PLOD3: variants seen among roughly 807,000 people sequenced by gnomAD.
The protein encoded by PLOD3 is procollagen-lysine,2-oxoglutarate 5-dioxygenase 3.
Under a neutral mutation model 96.9 loss-of-function variants are expected in PLOD3, and 73 were observed. That is an observed-to-expected ratio of 0.75 (90% CI 0.62 to 0.92). The LOEUF (loss-of-function observed/expected upper bound fraction) is 0.92. Ranked by LOEUF, PLOD3 falls within the 40% of genes least tolerant of loss-of-function variation. PLOD3 has a pLI of 0.00. For missense variants in PLOD3, 1,004 were observed against 1,004.3 expected (o/e 1.00, Z 0.00); for synonymous variants, 454 against 413.7 (o/e 1.10, Z -1.18).
intron 8 of PLOD3, 46 bp from the exon 9 acceptor site, chr7:101,212,701 C>T: frequency 6.2e-7 from 1 of 1,610,754 alleles, no homozygotes; most frequent in Non-Finnish European, 8.5e-7. Context: ...CCCGGACTTC[C>T]CTGCTGCCCC....
intron 15 of PLOD3, chr7:101,209,815 A>G: frequency 2.7e-6 from 1 of 374,916 alleles, no homozygotes; most frequent in Non-Finnish European, 4.8e-6. Flanking sequence ...TGCTGGGATT[A>G]CAGGCATGAG....
intron 3 of PLOD3, 33 bp downstream of exon 3, chr7:101,216,377 C>A: frequency 6.2e-7 from 1 of 1,613,912 alleles, no homozygotes; most frequent in Non-Finnish European, 8.5e-7. Context: ...ACCTCAGCAT[C>A]CTTACCCCGC....
At chr7:101,211,339 C>T in intron 12 of PLOD3, 1 of 478,156 alleles carries the variant, frequency 2.1e-6, no homozygotes, top group Non-Finnish European at 3.8e-6. Flanking sequence ...ACCACCGTGC[C>T]CAGCTAATAT....
Position 101,206,912 on chromosome 7 carries a change from AGAG to A in PLOD3, c.1936-11_1936-9del, listed in dbSNP as rs1212115169. On this transcript the variant is annotated splice_polypyrimidine_tract_variant and intron_variant, in intron 17 of 18. Transcript: ENST00000223127. ...GTTCATCACCGCCCGCGCCTGGGGG[AGAG>A]GAGGGAAGAGGCTGCAGGGACAGCT... 6.4e-7 allele frequency: 1 copy of A among 1,554,368 alleles called. No individual in the cohort carries two copies. The highest frequency in any genetic ancestry group is 8.7e-7 in the Non-Finnish European group (1 of 1,148,590).
intron 12 of PLOD3, chr7:101,211,326 C>G (rs560223511): frequency 2.4e-6 from 1 of 425,114 alleles, no homozygotes; most frequent in Non-Finnish European, 4.3e-6. Context: ...ACCACAGGCA[C>G]GCACCACCGT....
chr7:101,208,826 C>G (rs1189314877), intron 16 of PLOD3, 27 bp downstream of exon 16: 1 of 1,447,484 alleles, frequency 6.9e-7, no homozygotes, highest in Admixed American at 1.7e-5. Context: ...CTGGGAAGGC[C>G]TCTGCCCTCC....
At position 101,212,256 on chromosome 7, in the gene PLOD3, G is replaced by A. The variant is rs376124107; in HGVS notation, c.1124C>T (p.Ala375Val). 1 of 1,612,666 alleles carries A rather than the reference G, an allele frequency of 6.2e-7. No homozygotes were observed. Among genetic ancestry groups the A allele is most frequent in the Admixed American group, 1.7e-5 (1 of 60,008 alleles). ...ALSPGEARDM[A>V]MDLCRQDPEC... ...CTCCCCGCAAGCACCCGCTCACATG[G>A]CCATGTCCCTGGCCTCGCCTGGGCT... is the stretch of plus-strand genomic sequence containing the variant. The change falls in exon 10 of 19, where the codon GCC (alanine) becomes GTC (valine). Residue 375 changes from alanine (A) to valine (V), a missense_variant. This residue lies in a region of PLOD3 where 690 missense variants were observed against 650.2 expected (regional missense o/e 1.06). Coordinates refer to ENST00000223127, the MANE Select transcript of PLOD3 (RefSeq NM_001084.5).
At chr7:101,215,281 T>C in intron 5 of PLOD3, 129 bp from the exon 6 acceptor site, 1 of 767,972 alleles carries the variant, frequency 1.3e-6, no homozygotes, top group Non-Finnish European at 2.4e-6. Flanking sequence ...TGGCACGATC[T>C]CAGCTCACTG....
At chr7:101,213,608 C>T (rs1453065220) in intron 6 of PLOD3, 2 of 207,932 alleles carry the variant, frequency 9.6e-6, no homozygotes, top group Non-Finnish European at 2.0e-5. Flanking sequence ...CCTCTGCCTC[C>T]TGAGTTCAAA....
chr7:101,214,195 C>T (rs1434182008), intron 6 of PLOD3, among the ~76,000 whole-genome samples: 1 of 151,430 alleles, frequency 6.6e-6, no homozygotes, highest in Non-Finnish European at 1.5e-5. Flanking sequence ...GGCGCAATCT[C>T]GGCTCACTGC....
intron 17 of PLOD3, 91 bp from the exon 18 acceptor site, chr7:101,206,995 C>T (rs749145411): frequency 1.5e-5 from 21 of 1,420,708 alleles, no homozygotes; most frequent in Admixed American, 2.1e-5. Flanking sequence ...GAGATAGTCT[C>T]GCTCTGTCAC....
At position 101,211,922 on chromosome 7, in the gene PLOD3, C is replaced by T. The variant is rs141016387; in HGVS notation, c.1156G>A (p.Glu386Lys). The change falls in exon 11 of 19, where the codon GAG becomes AAG. Residue 386 changes from glutamate (E) to lysine (K), a missense_variant. This residue lies in a region of PLOD3 where 690 missense variants were observed against 650.2 expected (regional missense o/e 1.06). Coordinates refer to ENST00000223127, the MANE Select transcript of PLOD3 (RefSeq NM_001084.5). ...TCGGCGTCCAGGCTGAAGTAGAACT[C>T]ACACTCGGGGTCCTGCCGACACAGG... ...MDLCRQDPECEFYFSLDADAV... is the reference protein window; with the variant it reads ...MDLCRQDPECKFYFSLDADAV... 3 of 1,609,544 alleles carry T rather than the reference C, an allele frequency of 1.9e-6. No individual in the cohort carries two copies. The highest frequency in any genetic ancestry group is 8.5e-7 in the Non-Finnish European group (1 of 1,178,336).
chr7:101,216,326 G>C lies in PLOD3; in HGVS notation c.339C>G (p.Ser113Arg). ...REDMIIMFVDSYDVILAGSPT... is the reference protein window; with the variant it reads ...REDMIIMFVDRYDVILAGSPT... ...GGCTGCCGGCCAGAATCACGTCGTA[G>C]CTGGGTGAGGAAGGGGAGGATGGGC... Residue 113 changes from serine to arginine, a missense_variant and splice_region_variant, in exon 4 of 19, where the codon AGC becomes AGG. Coordinates refer to ENST00000223127, the MANE Select transcript of PLOD3 (RefSeq NM_001084.5). The C allele has an allele frequency of 6.2e-7, 1 of 1,613,364 alleles. No homozygotes were observed. The highest frequency in any genetic ancestry group is 1.1e-5 in the South Asian group (1 of 91,082).
At chr7:101,206,655 T>A in intron 18 of PLOD3, 124 bp downstream of exon 18, 1 of 1,209,500 alleles carries the variant, frequency 8.3e-7, no homozygotes, top group Non-Finnish European at 1.2e-6. Context: ...ATCCAGGAGC[T>A]GATACCCACA....
Position 101,212,540 on chromosome 7 carries a change from A to G in PLOD3, c.995T>C (p.Leu332Pro). 6.2e-7 allele frequency: 1 copy of G among 1,613,802 alleles called. No individual in the cohort carries two copies. The highest frequency in any genetic ancestry group is 8.5e-7 in the Non-Finnish European group (1 of 1,179,892). ...DYPPDRVTLF[L>P]HNNEVFHEPH... ...ACAGGGGAGTCTCACGTTGTTGTGC[A>G]GGAAAAGGGTGACCCTGTCGGGGGG... The change falls in exon 9 of 19, where the codon CTG becomes CCG. Residue 332 changes from leucine to proline, a missense_variant. Coordinates refer to ENST00000223127, the MANE Select transcript of PLOD3 (RefSeq NM_001084.5).
chr7:101,206,773 GCGCACCTCATAGTCCAGGC>G lies in PLOD3; in HGVS notation c.2048_2061+5del. 2 of 1,581,412 alleles carry G rather than the reference GCGCACCTCATAGTCCAGGC, an allele frequency of 1.3e-6. No individual in the cohort carries two copies. The highest frequency in any genetic ancestry group is 2.3e-5 in the South Asian group (2 of 86,288). Reference sequence around the variant, plus strand: ...AGCGTGGGTGGGTAGTGTGACTGGGGCGCACCTCATAGTCCAGGCCCTTGTGGTTGAGGGCAACGTTGAG... The same window carrying G: ...AGCGTGGGTGGGTAGTGTGACTGGGGCCTTGTGGTTGAGGGCAACGTTGAG... On this transcript the variant is annotated splice_donor_variant and splice_donor_5th_base_variant and coding_sequence_variant and intron_variant, in exon 18 of 19. Transcript: ENST00000223127. LOFTEE classifies it high-confidence loss of function.
Position 101,215,107 on chromosome 7 carries a change from T to G in PLOD3, c.661A>C (p.Asn221His). Residue 221 changes from asparagine (N) to histidine (H), a missense_variant, in exon 6 of 19, where the codon AAC becomes CAC. By Grantham distance (68) the Asn-to-His change is moderately conservative (BLOSUM62 1). Around this residue, in one of 5 missense-constraint regions of PLOD3, gnomAD observed 690 missense variants for 650.2 expected, o/e 1.06. Transcript: ENST00000223127. Reference protein sequence around the residue: ...NLDHKSRIFQNLNGALDEVVL... With the variant: ...NLDHKSRIFQHLNGALDEVVL... Reference sequence around the variant, plus strand: ...TCCTCACCTAAAGCCCCGTTGAGGTTCTGAAAGATCCGAGACTTATGATCC... The same window carrying G: ...TCCTCACCTAAAGCCCCGTTGAGGTGCTGAAAGATCCGAGACTTATGATCC... The G allele has an allele frequency of 6.2e-7, 1 of 1,613,516 alleles. No homozygotes were observed.
chr7:101,212,463 G>T, intron 9 of PLOD3, 67 bp downstream of exon 9: 1 of 1,575,148 alleles, frequency 6.3e-7, no homozygotes, highest in Non-Finnish European at 8.7e-7. Context: ...TGGGGGTGGG[G>T]GCACGAGAGT....
At chr7:101,208,169 C>T (rs902053185) in intron 16 of PLOD3, among the ~76,000 whole-genome samples, 15 of 152,306 alleles carry the variant, frequency 9.8e-5, no homozygotes, top group African/African-American at 3.6e-4. Context: ...ATGATCATAG[C>T]TCACTGCAGC....
Sources: gnomAD v4.1 joint callset for allele counts (sites outside exome capture counted in the v4.1 genomes callset) on GRCh38, gnomAD v4.1.1 for gene constraint, gnomAD v4.1.1 regional missense constraint, MANE v1.5 for transcripts, NCBI Gene and HGNC (gene_info 2026-07-23, HGNC 2026-07-21) for gene names.